The following AKAP19 variants were observed in gnomAD, a reference collection of about 807,000 sequenced individuals.
AKAP19 encodes the protein A-kinase anchoring protein 19, also known as small A-kinase anchoring protein.
the AKAP19 span, chr2:189,923,365 T>C: frequency 1.2e-6 from 2 of 1,612,614 alleles, no homozygotes; most frequent in East Asian, 4.5e-5. Context: ...ACAAGACAGA[T>C]CCTCGTTCCA....
the AKAP19 span, among the ~76,000 whole-genome samples, chr2:189,957,624 A>G: frequency 6.6e-6 from 1 of 152,166 alleles, no homozygotes; most frequent in Non-Finnish European, 1.5e-5. Context: ...GATAGAAACC[A>G]CTATGACAGT....
chr2:190,191,056 A>AGTCAT, the AKAP19 span, among the ~76,000 whole-genome samples: 1 of 152,200 alleles, frequency 6.6e-6, no homozygotes, highest in African/African-American at 2.4e-5. Flanking sequence ...CATGCCTTTG[A>AGTCAT]GTCATCCATA....
chr2:190,041,816 A>T, the AKAP19 span, among the ~76,000 whole-genome samples: 1 of 152,154 alleles, frequency 6.6e-6, no homozygotes, highest in African/African-American at 2.4e-5. Context: ...GATGAATCAC[A>T]TTTGTTGATT....
chr2:190,008,297 A>T, the AKAP19 span, among the ~76,000 whole-genome samples: 1 of 152,174 alleles, frequency 6.6e-6, no homozygotes, highest in Non-Finnish European at 1.5e-5. Flanking sequence ...ATTATAATCA[A>T]TCCTAATCAT....
the AKAP19 span, among the ~76,000 whole-genome samples, chr2:190,072,100 T>G: frequency 6.6e-6 from 1 of 152,184 alleles, no homozygotes; most frequent in Admixed American, 6.6e-5. Context: ...GAAATCATGT[T>G]CTTTGCTGCA....
the AKAP19 span, among the ~76,000 whole-genome samples, chr2:189,966,952 G>A: frequency 4.2e-3 from 641 of 152,328 alleles, 9 homozygotes; most frequent in African/African-American, 0.015. Context: ...CCTGCAACTA[G>A]AATGGTAAGA....
chr2:190,065,986 A>G, the AKAP19 span, among the ~76,000 whole-genome samples: 1 of 152,166 alleles, frequency 6.6e-6, no homozygotes, highest in Admixed American at 6.6e-5. Context: ...TCTTATCACC[A>G]AGGAGACAGG....
chr2:190,189,076 C>T, the AKAP19 span, among the ~76,000 whole-genome samples: 1 of 152,130 alleles, frequency 6.6e-6, no homozygotes, highest in Admixed American at 6.6e-5. Flanking sequence ...GGTAGTAGTA[C>T]CCAGAGACCT....
chr2:190,181,219 A>C, the AKAP19 span: 2 of 915,836 alleles, frequency 2.2e-6, no homozygotes, highest in Non-Finnish European at 2.6e-6. Context: ...CATGAGTTAC[A>C]GGAGGCTTTA....
the AKAP19 span, among the ~76,000 whole-genome samples, chr2:189,971,064 T>A: frequency 0.93 from 141,174 of 152,124 alleles, 65,553 homozygotes; most frequent in East Asian, 0.97. Context: ...TACGTGTGCC[T>A]TGTTGGTGTG....
chr2:189,937,528 G>A, the AKAP19 span, among the ~76,000 whole-genome samples: 1 of 151,476 alleles, frequency 6.6e-6, no homozygotes, highest in Non-Finnish European at 1.5e-5. Flanking sequence ...AGAATCACAG[G>A]GAAATCAAGA....
the AKAP19 span, among the ~76,000 whole-genome samples, chr2:189,936,337 A>G: frequency 6.6e-6 from 1 of 152,052 alleles, no homozygotes; most frequent in African/African-American, 2.4e-5. Flanking sequence ...TTATAACTGT[A>G]AAATTTTAAA....
the AKAP19 span, chr2:190,200,845 T>C: frequency 4.2e-4 from 71 of 167,194 alleles, no homozygotes; most frequent in Non-Finnish European, 6.9e-4. Context: ...AGCCCAGTGA[T>C]ATAACTATAC....
chr2:189,955,544 G>A, the AKAP19 span, among the ~76,000 whole-genome samples: 1 of 152,100 alleles, frequency 6.6e-6, no homozygotes, highest in Admixed American at 6.5e-5. Flanking sequence ...TCTCCATACT[G>A]TTTTCCATAG....
chr2:189,923,386 T>A, the AKAP19 span: 2 of 1,612,642 alleles, frequency 1.2e-6, no homozygotes, highest in Non-Finnish European at 1.7e-6. Context: ...TGAACTCCCG[T>A]GTATTCATTG....
At chr2:190,030,416 C>T in the AKAP19 span, among the ~76,000 whole-genome samples, 1 of 152,230 alleles carries the variant, frequency 6.6e-6, no homozygotes, top group South Asian at 2.1e-4. Context: ...GATTTCTCCT[C>T]CTATCCCATT....
the AKAP19 span, among the ~76,000 whole-genome samples, chr2:189,928,099 C>G: frequency 6.6e-6 from 1 of 152,058 alleles, no homozygotes; most frequent in Admixed American, 6.5e-5. Context: ...ATTAATTTAT[C>G]TTTCAGGTCC....
the AKAP19 span, among the ~76,000 whole-genome samples, chr2:189,879,987 T>C: frequency 1.5e-4 from 23 of 152,176 alleles, no homozygotes; most frequent in Admixed American, 6.5e-5. Context: ...TGGCCAGACC[T>C]AGGAGGTTTT....
chr2:190,057,153 G>A, the AKAP19 span: 30 of 1,219,756 alleles, frequency 2.5e-5, no homozygotes, highest in Admixed American at 3.5e-4. Flanking sequence ...AGTGACTGTA[G>A]CATACTCTAG....
Sources: gnomAD v4.1 joint callset for allele counts (sites outside exome capture counted in the v4.1 genomes callset) on GRCh38, gnomAD v4.1.1 for gene constraint, MANE v1.5 for transcripts, NCBI Gene and HGNC (gene_info 2026-07-23, HGNC 2026-07-21) for gene names.